NFAM1: variants seen among roughly 807,000 people sequenced by gnomAD.
The protein encoded by NFAM1 is NFAT activating protein with ITAM motif 1.
A neutral mutation model predicts 29.0 loss-of-function variants in NFAM1; 17 were observed. That is an observed-to-expected ratio of 0.59 (90% CI 0.40 to 0.88). NFAM1 has a LOEUF of 0.88. Ranked by LOEUF, NFAM1 falls within the 40% of genes least tolerant of loss-of-function variation. NFAM1 has a pLI of 0.00. For missense variants in NFAM1, 324 were observed against 344.6 expected (o/e 0.94, Z 0.47); for synonymous variants, 175 against 147.2 (o/e 1.19, Z -1.36).
intron 1 of NFAM1, among the ~76,000 whole-genome samples, chr22:42,424,623 A>G (rs941782475): frequency 6.6e-6 from 1 of 152,156 alleles, no homozygotes; most frequent in Non-Finnish European, 1.5e-5. Flanking sequence ...GGAGGCAGAC[A>G]GTTGGGGGAG....
intron 4 of NFAM1, among the ~76,000 whole-genome samples, chr22:42,389,817 T>C (rs942525250): frequency 6.6e-6 from 1 of 152,176 alleles, no homozygotes; most frequent in African/African-American, 2.4e-5. Flanking sequence ...AGGTGTGAAG[T>C]CAATGCTGAG....
At position 42,388,285 on chromosome 22, in the gene NFAM1, T is replaced by C. The variant is rs1014364053; in HGVS notation, c.664-1207A>G. ...CGTCTGTAAAATGGGAATAATCACA[T>C]CTATTTTGCAGGTTCAATGCATGAT... On this transcript the variant is annotated intron_variant, in intron 4 of 5. Coordinates refer to ENST00000329021, the MANE Select transcript of NFAM1 (RefSeq NM_145912.8). This position sits in a 1 kb window ranked among gnomAD's most constrained non-coding sequence, Gnocchi z 4.1. Among the ~76,000 whole-genome samples, 1 of 152,152 alleles carries C rather than the reference T, an allele frequency of 6.6e-6. No individual in the cohort carries two copies. The highest frequency in any genetic ancestry group is 6.5e-5 in the Admixed American group (1 of 15,280).
intron 3 of NFAM1, among the ~76,000 whole-genome samples, chr22:42,404,852 CAAA>C (rs397937097): frequency 0.037 from 3,291 of 88,660 alleles, 156 homozygotes; most frequent in African/African-American, 0.12. Flanking sequence ...AACTCCATCT[CAAA>C]AAAAAAAAAA....
In NFAM1 at chr22:42,417,323, G is replaced by T. The variant is rs138764804; in HGVS notation, c.122-5587C>A. 2.9e-3 allele frequency among the ~76,000 whole-genome samples: 449 copies of T among 152,286 alleles called. 4 individuals are homozygous for T. Among genetic ancestry groups the T allele is most frequent in the African/African-American group, 0.01 (433 of 41,566 alleles). ...AGAGTGACCAGAGGAGCTGAGTTTT[G>T]CCAGGAGAAATCCCCCAGCACCAAG... is the stretch of plus-strand genomic sequence containing the variant. On this transcript the variant is annotated intron_variant, in intron 1 of 5. Coordinates refer to ENST00000329021, the MANE Select transcript of NFAM1 (RefSeq NM_145912.8).
At chr22:42,434,723 C>T (rs1193977543), upstream of NFAM1, among the ~76,000 whole-genome samples, 1 of 152,224 alleles carries the variant, frequency 6.6e-6, no homozygotes, top group Admixed American at 6.5e-5. Flanking sequence ...AGTAAAGGCC[C>T]CAAAGGCTGA....
chr22:42,424,081 G>A (rs1296512953), intron 1 of NFAM1, among the ~76,000 whole-genome samples: 1 of 151,766 alleles, frequency 6.6e-6, no homozygotes, highest in Non-Finnish European at 1.5e-5. Flanking sequence ...GATTACAGAT[G>A]TGAGCCATCA....
At chr22:42,385,601 C>G (rs747699506) in intron 5 of NFAM1, among the ~76,000 whole-genome samples, 1 of 152,120 alleles carries the variant, frequency 6.6e-6, no homozygotes, top group Admixed American at 6.6e-5. Flanking sequence ...CCTCCCTCCC[C>G]ACCCTGGCTG....
chr22:42,385,091 A>C lies in NFAM1; in HGVS notation c.*70T>G. On this transcript the variant is annotated 3_prime_UTR_variant, in exon 6 of 6. Transcript: ENST00000329021. ...GGGGCCTTACTCCCAACTCAGATCA[A>C]GTCCTTTGGTGGCAGGGGCTGCCCC... The C allele has an allele frequency of 8.6e-7, 1 of 1,166,612 alleles. No individual in the cohort carries two copies. Among genetic ancestry groups the C allele is most frequent in the East Asian group, 2.3e-5 (1 of 42,788 alleles). The allele number at this position is 1,166,612 out of a possible 1,614,324, so 72.3% of individuals were successfully genotyped here.
intron 1 of NFAM1, among the ~76,000 whole-genome samples, chr22:42,426,188 C>T (rs1930615574): frequency 6.6e-6 from 1 of 152,032 alleles, no homozygotes. Context: ...AAGGGGTGGC[C>T]GAGGGATGGG....
chr22:42,386,416 C>T (rs898208100), intron 5 of NFAM1, among the ~76,000 whole-genome samples: 8 of 136,082 alleles, frequency 5.9e-5, no homozygotes, highest in Non-Finnish European at 1.2e-4. Context: ...CACACACACA[C>T]ACACACACAC....
chr22:42,393,008 C>T (rs980231684), intron 4 of NFAM1, among the ~76,000 whole-genome samples: 4 of 152,038 alleles, frequency 2.6e-5, no homozygotes. Flanking sequence ...TCATGTTGGC[C>T]AGGCTGGTCT....
chr22:42,414,429 C>T (rs558891885), intron 1 of NFAM1, among the ~76,000 whole-genome samples: 6 of 152,024 alleles, frequency 3.9e-5, no homozygotes, highest in African/African-American at 1.4e-4. Flanking sequence ...GAGATGGGGG[C>T]TGTTATATTG....
At chr22:42,390,158 TG>T in intron 4 of NFAM1, among the ~76,000 whole-genome samples, 1 of 151,476 alleles carries the variant, frequency 6.6e-6, no homozygotes, top group East Asian at 1.9e-4. Flanking sequence ...GCCGGGTGGG[TG>T]GGGGTTCTGA....
chr22:42,382,243 A>C lies in NFAM1; in HGVS notation c.*2918T>G, dbSNP rs1928980125. The C allele has an allele frequency of 6.6e-6, 1 of 152,066 alleles. No individual in the cohort carries two copies. The highest frequency in any genetic ancestry group is 1.5e-5 in the Non-Finnish European group (1 of 68,064). 9.4% of individuals were successfully genotyped at this position (152,066 alleles called of 1,614,324 possible). The stretch of plus-strand genomic sequence containing the variant: ...GCTAATTTTTGTATTTTTAGTAGAG[A>C]CGGGGTTTCACCACGTTGGCCAGGC... On this transcript the variant is annotated 3_prime_UTR_variant, in exon 6 of 6. Coordinates refer to ENST00000329021, the MANE Select transcript of NFAM1 (RefSeq NM_145912.8).
At chr22:42,392,866 C>G (rs1008495777) in intron 4 of NFAM1, among the ~76,000 whole-genome samples, 8 of 152,046 alleles carry the variant, frequency 5.3e-5, no homozygotes, top group African/African-American at 1.9e-4. Flanking sequence ...GTGGCATAAT[C>G]TCGGCTCACT....
At chr22:42,436,882 C>T, upstream of NFAM1, 1 of 443,686 alleles carries the variant, frequency 2.3e-6, no homozygotes, top group Non-Finnish European at 3.0e-6. Flanking sequence ...TGCAATTCAC[C>T]TGGTCCTTTA....
chr22:42,394,368 A>T (rs1383172680), intron 4 of NFAM1, among the ~76,000 whole-genome samples: 6 of 151,554 alleles, frequency 4.0e-5, no homozygotes, highest in East Asian at 1.9e-4. Context: ...TTATTAATTT[A>T]AAAAAAAATT....
intron 1 of NFAM1, among the ~76,000 whole-genome samples, chr22:42,422,672 G>A (rs530499656): frequency 6.6e-6 from 1 of 152,276 alleles, no homozygotes; most frequent in Admixed American, 6.5e-5. Flanking sequence ...TGAGAGTGTG[G>A]TCTGGGTCAT....
chr22:42,414,078 A>G (rs2147110832), intron 1 of NFAM1, among the ~76,000 whole-genome samples: 1 of 152,312 alleles, frequency 6.6e-6, no homozygotes, highest in East Asian at 1.9e-4. Context: ...GAAGAAAGAA[A>G]GAAAAAGAGA....
Sources: gnomAD v4.1 joint callset for allele counts (sites outside exome capture counted in the v4.1 genomes callset) on GRCh38, gnomAD v4.1.1 for gene constraint, Gnocchi (gnomAD v3.1) non-coding constraint, MANE v1.5 for transcripts, NCBI Gene and HGNC (gene_info 2026-07-23, HGNC 2026-07-21) for gene names.